NTM: variants seen among roughly 807,000 people sequenced by gnomAD.
NTM encodes the protein neurotrimin.
A neutral mutation model predicts 42.1 loss-of-function variants in NTM; 13 were observed. That is an observed-to-expected ratio of 0.31 (90% CI 0.20 to 0.49). The LOEUF (loss-of-function observed/expected upper bound fraction) is 0.49. Ranked by LOEUF, NTM falls within the 20% of genes least tolerant of loss-of-function variation. The pLI is 0.99. For synonymous variants in NTM, 187 were observed against 179.2 expected, an observed-to-expected ratio of 1.04 and a Z score of -0.35; for missense variants, 373 against 452.8, an observed-to-expected ratio of 0.82 and a Z score of 1.60.
intron 1 of NTM, among the ~76,000 whole-genome samples, chr11:131,560,702 C>G (rs559481206): frequency 6.0e-4 from 91 of 152,342 alleles, no homozygotes; most frequent in African/African-American, 2.0e-3. Context: ...ACAACCATTT[C>G]TTATTTAATA....
Position 132,211,763 on chromosome 11 carries a change from T to G in NTM, c.401-259T>G, listed in dbSNP as rs192583418. On this transcript the variant is annotated intron_variant, in intron 3 of 8. Transcript: ENST00000683400. ...GTGGATACAGGAAGAGGGTGGAGGC[T>G]AGGAGAACAGCTATTCCAGTGTTGC... 20 of 316,498 alleles carry G rather than the reference T, an allele frequency of 6.3e-5. No homozygotes were observed. In the East Asian group the frequency reaches 1.6e-3, roughly 26 times the overall value. 19.6% of individuals were successfully genotyped at this position (316,498 alleles called of 1,614,324 possible). A position where few individuals can be genotyped will look rare whatever the true frequency, so the allele number is the denominator to read the frequency against.
intron 1 of NTM, among the ~76,000 whole-genome samples, chr11:131,683,717 C>T (rs1229892052): frequency 6.6e-6 from 1 of 152,190 alleles, no homozygotes. Flanking sequence ...CCCACGTCAG[C>T]ATTCATGCTC....
intron 1 of NTM, among the ~76,000 whole-genome samples, chr11:131,905,241 G>C (rs2053692806): frequency 6.6e-6 from 1 of 152,228 alleles, no homozygotes; most frequent in African/African-American, 2.4e-5. Context: ...GTAATGGAGA[G>C]GGTGAATATT....
chr11:131,729,355 T>C (rs1465906453), intron 1 of NTM, among the ~76,000 whole-genome samples: 2 of 152,204 alleles, frequency 1.3e-5, no homozygotes, highest in African/African-American at 2.4e-5. Context: ...GGACTGCTAA[T>C]GAAGATGGGA....
intron 1 of NTM, among the ~76,000 whole-genome samples, chr11:131,497,739 C>T (rs1009916273): frequency 6.6e-6 from 1 of 152,128 alleles, no homozygotes; most frequent in African/African-American, 2.4e-5. Flanking sequence ...TTCAGCTTCC[C>T]TGTTCTTTGT....
At chr11:132,223,603 A>G (rs926147501) in intron 4 of NTM, among the ~76,000 whole-genome samples, 4 of 152,234 alleles carry the variant, frequency 2.6e-5, no homozygotes, top group African/African-American at 7.2e-5. Flanking sequence ...GGCAGGAAGC[A>G]TGCCTATCCT....
intron 1 of NTM, chr11:131,910,714 C>A: frequency 1.9e-5 from 8 of 430,318 alleles, no homozygotes; most frequent in Non-Finnish European, 2.5e-5. Flanking sequence ...CCTTCCCCAG[C>A]GAGCTACCGA....
intron 1 of NTM, among the ~76,000 whole-genome samples, chr11:131,730,721 A>AAAAAAAAAAAAAAAAAAAAAAAAAAGAAG (rs113412896): frequency 1.5e-5 from 2 of 134,380 alleles, no homozygotes; most frequent in Admixed American, 7.3e-5. Context: ...CTATCTGTTA[A>AAAAAAAAAAAAAAAAAAAAAAAAAAGAAG]AAGAAGAAGA....
In NTM at chr11:132,193,473, G is replaced by GA. The variant is rs372725669; in HGVS notation, c.401-18540dup. Among the ~76,000 whole-genome samples the GA allele has an allele frequency of 8.8e-4, 132 of 149,388 alleles. 3 individuals are homozygous for GA. In the South Asian group the frequency reaches 0.019, roughly 21 times the overall value. Reference sequence around the variant, plus strand: ...ACAATTTTCGAAACTAACAAAAATGGAAAAAAAAATAGATCAGAATATTTG... The same window carrying GA: ...ACAATTTTCGAAACTAACAAAAATGGAAAAAAAAAATAGATCAGAATATTTG... On this transcript the variant is annotated intron_variant, in intron 3 of 8. Transcript: ENST00000683400.
chr11:131,994,890 T>G (rs1224767903), intron 2 of NTM, among the ~76,000 whole-genome samples: 2 of 152,204 alleles, frequency 1.3e-5, no homozygotes, highest in African/African-American at 4.8e-5. Flanking sequence ...ATTATGCACC[T>G]ATTCACTAGA....
intron 3 of NTM, among the ~76,000 whole-genome samples, chr11:132,149,228 T>C (rs1232841101): frequency 4.7e-4 from 16 of 34,050 alleles, no homozygotes; most frequent in Admixed American, 2.0e-3. Context: ...CCATCCTGGA[T>C]TACAAAAAAA....
intron 1 of NTM, among the ~76,000 whole-genome samples, chr11:131,579,887 G>C (rs534067460): frequency 1.3e-5 from 2 of 152,332 alleles, no homozygotes; most frequent in African/African-American, 4.8e-5. Flanking sequence ...CTATGAGACA[G>C]TTGAGTGAGC....
At chr11:131,966,640 G>T (rs1166922358) in intron 2 of NTM, among the ~76,000 whole-genome samples, 1 of 152,208 alleles carries the variant, frequency 6.6e-6, no homozygotes, top group Admixed American at 6.5e-5. Context: ...GACCTGGAGT[G>T]TCCATGGGCA....
At chr11:132,260,693 T>C (rs546645087) in intron 4 of NTM, among the ~76,000 whole-genome samples, 27 of 152,344 alleles carry the variant, frequency 1.8e-4, no homozygotes, top group Admixed American at 1.5e-3. Context: ...CTGGCCAAAC[T>C]GGCTTGTTCT....
chr11:132,007,087 G>T (rs559948994), intron 2 of NTM, among the ~76,000 whole-genome samples: 85 of 152,278 alleles, frequency 5.6e-4, no homozygotes, highest in African/African-American at 2.0e-3. Context: ...GTGAATGGAT[G>T]AAAAAAGCTC....
intron 1 of NTM, among the ~76,000 whole-genome samples, chr11:131,658,553 C>T (rs1203824139): frequency 1.3e-5 from 2 of 152,204 alleles, no homozygotes; most frequent in South Asian, 2.1e-4. Context: ...CAGACGAGGA[C>T]GGCATGCCTT....
At chr11:131,835,352 C>T (rs76267179) in intron 1 of NTM, among the ~76,000 whole-genome samples, 33 of 151,710 alleles carry the variant, frequency 2.2e-4, no homozygotes, top group African/African-American at 6.8e-4. Flanking sequence ...ATTCACGATA[C>T]GTATATGAAA....
chr11:131,383,642 G>A (rs1291005069), intron 1 of NTM, among the ~76,000 whole-genome samples: 1 of 152,146 alleles, frequency 6.6e-6, no homozygotes, highest in Non-Finnish European at 1.5e-5. Flanking sequence ...AAGACAAGAG[G>A]TATATGTAGA....
rs187596799 is a variant in NTM, at chr11:131,772,345, G to A, written c.83-139219G>A. ...TTGAATGTGGGAGGCACCAACAAGCGTCATGAGATATCACCCCTGTGACTA... is the reference window on the plus strand; with the variant it reads ...TTGAATGTGGGAGGCACCAACAAGCATCATGAGATATCACCCCTGTGACTA... On this transcript the variant is annotated intron_variant, in intron 1 of 8. Transcript: ENST00000683400. 3.9e-4 allele frequency among the ~76,000 whole-genome samples: 60 copies of A among 152,262 alleles called. 1 individual carries two copies. Among genetic ancestry groups the A allele is most frequent in the Admixed American group, 1.9e-3 (29 of 15,290 alleles).
Sources: allele counts gnomAD v4.1 joint callset (sites outside exome capture counted in the v4.1 genomes callset), GRCh38; gene constraint gnomAD v4.1.1; transcripts MANE v1.5; gene names NCBI Gene and HGNC (gene_info 2026-07-23, HGNC 2026-07-21).